ATG5: variants seen among roughly 807,000 people sequenced by gnomAD.
The protein encoded by ATG5 is autophagy related 5.
Under a neutral mutation model 36.5 loss-of-function variants are expected in ATG5, and 14 were observed. The observed-to-expected ratio is 0.38, with a 90% CI of 0.25 to 0.60. ATG5 has a LOEUF of 0.60. ATG5 is among the 20% of genes least tolerant of loss of function. The probability of loss-of-function intolerance (pLI) is 0.60; values close to 1 mark genes in which losing one functional copy is unlikely to be tolerated. For missense variants in ATG5, 195 were observed against 326.7 expected (o/e 0.60, Z 3.11); for synonymous variants, 95 against 101.5 (o/e 0.94, Z 0.38).
chr6:106,198,598 G>A lies in ATG5; in HGVS notation c.691+3374C>T, dbSNP rs1407497081. 7.9e-5 allele frequency among the ~76,000 whole-genome samples: 12 copies of A among 152,024 alleles called. 1 individual carries two copies. The highest frequency in any genetic ancestry group is 1.6e-4 in the Non-Finnish European group (11 of 67,994). ...TTGAGACCAGTCTGGCCAACACAGTGAAACCCTGTCTCTACTAAAAACACA... is the reference window on the plus strand; with the variant it reads ...TTGAGACCAGTCTGGCCAACACAGTAAAACCCTGTCTCTACTAAAAACACA... On this transcript the variant is annotated intron_variant, in intron 7 of 7. Transcript: ENST00000369076.
chr6:106,282,706 G>A (rs1185484325), intron 4 of ATG5, among the ~76,000 whole-genome samples: 1 of 152,138 alleles, frequency 6.6e-6, no homozygotes, highest in Non-Finnish European at 1.5e-5. Flanking sequence ...AAGTTTTGAT[G>A]ACAAACACGT....
intron 7 of ATG5, among the ~76,000 whole-genome samples, chr6:106,195,141 C>A (rs1461215111): frequency 4.6e-5 from 7 of 152,210 alleles, no homozygotes; most frequent in Admixed American, 4.6e-4. Context: ...AGTTACTCCA[C>A]AAGAACAATG....
intron 4 of ATG5, among the ~76,000 whole-genome samples, chr6:106,280,679 C>T (rs1382494772): frequency 1.3e-5 from 2 of 151,892 alleles, no homozygotes; most frequent in South Asian, 2.1e-4. Flanking sequence ...ACTGTGACAC[C>T]GTATTAAAAC....
intron 4 of ATG5, 137 bp from the exon 5 acceptor site, chr6:106,279,960 T>C: frequency 2.0e-6 from 1 of 509,524 alleles, no homozygotes; most frequent in Non-Finnish European, 3.1e-6. Flanking sequence ...CCAAAATACT[T>C]TAAAATTTAA....
intron 3 of ATG5, among the ~76,000 whole-genome samples, chr6:106,295,799 A>G (rs978581348): frequency 6.6e-6 from 1 of 152,168 alleles, no homozygotes; most frequent in Non-Finnish European, 1.5e-5. Context: ...TCTGGACTCA[A>G]GCAATACTCC....
intron 5 of ATG5, among the ~76,000 whole-genome samples, chr6:106,269,394 C>T (rs1025309305): frequency 3.2e-5 from 3 of 95,030 alleles, no homozygotes; most frequent in Non-Finnish European, 6.0e-5. Flanking sequence ...GCCAGTCCCG[C>T]GCCGTGCCCC....
At chr6:106,240,338 TTAATA>T (rs1361451713) in intron 6 of ATG5, among the ~76,000 whole-genome samples, 5 of 148,448 alleles carry the variant, frequency 3.4e-5, no homozygotes, top group Non-Finnish European at 6.0e-5. Flanking sequence ...TAAAATATCT[TTAATA>T]TATTTATAGA....
intron 6 of ATG5, among the ~76,000 whole-genome samples, chr6:106,217,176 C>T (rs1562217100): frequency 2.0e-5 from 3 of 152,046 alleles, no homozygotes; most frequent in Admixed American, 6.5e-5. Flanking sequence ...ACATTTCTAC[C>T]TTATCAATTC....
chr6:106,286,823 C>T (rs184601159), intron 4 of ATG5, among the ~76,000 whole-genome samples: 2 of 152,266 alleles, frequency 1.3e-5, no homozygotes, highest in Admixed American at 1.3e-4. Flanking sequence ...AGATAGGCCC[C>T]TCAATCCTAC....
In ATG5 at chr6:106,235,814, A is replaced by T. The variant is rs76189790; in HGVS notation, c.573+12336T>A. Among the ~76,000 whole-genome samples the T allele has an allele frequency of 6.4e-5, 6 of 93,522 alleles. No individual in the cohort carries two copies. The East Asian group carries it at 1.5e-3, about 23-fold the overall frequency. The allele number at this position is 93,522 out of a possible 152,430, so 61.4% of individuals were successfully genotyped here. A position where few individuals can be genotyped will look rare whatever the true frequency, so the allele number is the denominator to read the frequency against. ...TCACTCTATTAAATATTGCAACTGC[A>T]AAAAAAAAATAGCTTAATTGAAGAA... On this transcript the variant is annotated intron_variant, in intron 6 of 7. Coordinates refer to ENST00000369076, the MANE Select transcript of ATG5 (RefSeq NM_004849.4).
chr6:106,226,805 A>C (rs1301537915), intron 6 of ATG5, among the ~76,000 whole-genome samples: 1 of 152,194 alleles, frequency 6.6e-6, no homozygotes, highest in Admixed American at 6.5e-5. Context: ...CCAAACAAAA[A>C]TTCTGGAGTT....
intron 6 of ATG5, among the ~76,000 whole-genome samples, chr6:106,204,268 CAT>C (rs1474164798): frequency 1.3e-5 from 2 of 151,996 alleles, no homozygotes; most frequent in Non-Finnish European, 1.5e-5. Context: ...AAAAAATAAA[CAT>C]GTAAGCATGT....
intron 2 of ATG5, among the ~76,000 whole-genome samples, chr6:106,310,643 A>T (rs553398130): frequency 1.3e-5 from 2 of 152,192 alleles, no homozygotes; most frequent in African/African-American, 4.8e-5. Flanking sequence ...TTCACTATCC[A>T]TCTCCAGAAC....
chr6:106,221,008 G>C (rs919038264), intron 6 of ATG5, among the ~76,000 whole-genome samples: 2 of 152,180 alleles, frequency 1.3e-5, no homozygotes, highest in East Asian at 1.9e-4. Context: ...GCTGAAGTTT[G>C]CAACTACCAA....
chr6:106,195,333 T>C lies in ATG5; in HGVS notation c.691+6639A>G, dbSNP rs78395565. On this transcript the variant is annotated intron_variant, in intron 7 of 7. Coordinates refer to ENST00000369076, the MANE Select transcript of ATG5 (RefSeq NM_004849.4). ...CAAGTTCTTATCCATACACACCCAA[T>C]CTTAAAGTCTTTCGCTTTCAACTTA... 7.5e-3 allele frequency among the ~76,000 whole-genome samples: 1,137 copies of C among 152,234 alleles called. 27 individuals carry two copies. The East Asian group carries it at 0.081, about 11-fold the overall frequency.
At chr6:106,289,430 T>C (rs1780215512) in intron 4 of ATG5, among the ~76,000 whole-genome samples, 1 of 152,108 alleles carries the variant, frequency 6.6e-6, no homozygotes, top group South Asian at 2.1e-4. Flanking sequence ...GCAATAACTT[T>C]CCTCTAACAG....
intron 6 of ATG5, among the ~76,000 whole-genome samples, chr6:106,210,170 G>T (rs573779610): frequency 1.1e-3 from 169 of 152,296 alleles, no homozygotes; most frequent in Non-Finnish European, 2.2e-3. Flanking sequence ...AGTGAGGAAA[G>T]GTGGGGACTC....
At chr6:106,316,508 T>C (rs1770856168) in intron 1 of ATG5, among the ~76,000 whole-genome samples, 1 of 152,184 alleles carries the variant, frequency 6.6e-6, no homozygotes, top group African/African-American at 2.4e-5. Context: ...ATTCATTGCA[T>C]ATTTAAGTAC....
chr6:106,274,834 G>A (rs1779581157), intron 5 of ATG5, among the ~76,000 whole-genome samples: 1 of 152,140 alleles, frequency 6.6e-6, no homozygotes, highest in South Asian at 2.1e-4. Flanking sequence ...AATGTAAGAT[G>A]TACCCCAACC....
Sources: gnomAD v4.1 joint callset for allele counts (sites outside exome capture counted in the v4.1 genomes callset) on GRCh38, gnomAD v4.1.1 for gene constraint, MANE v1.5 for transcripts, NCBI Gene and HGNC (gene_info 2026-07-23, HGNC 2026-07-21) for gene names.